HACE1: variants seen among roughly 807,000 people sequenced by gnomAD.
HACE1 encodes E3 ubiquitin-protein ligase HACE1.
In HACE1, 73 loss-of-function variants were observed where a neutral mutation model predicts 118.4. The observed-to-expected ratio is 0.62, with a 90% CI of 0.51 to 0.75. The LOEUF (loss-of-function observed/expected upper bound fraction) is 0.75. HACE1 is among the 30% of genes least tolerant of loss of function. The pLI is 0.00. For synonymous variants in HACE1, 368 were observed against 374.8 expected (o/e 0.98, Z 0.21); for missense variants, 749 against 1,102.2 (o/e 0.68, Z 4.54).
At chr6:104,842,098 A>G (rs769737529) in intron 5 of HACE1, among the ~76,000 whole-genome samples, 54 of 152,216 alleles carry the variant, frequency 3.5e-4, no homozygotes, top group Non-Finnish European at 5.9e-4. Context: ...TGAGGCCAAG[A>G]GTTCAAGACT....
chr6:104,764,878 A>G (rs1187627636), intron 19 of HACE1, among the ~76,000 whole-genome samples: 1 of 152,220 alleles, frequency 6.6e-6, no homozygotes, highest in African/African-American at 2.4e-5. Context: ...ATCACTGAAC[A>G]TAGTTGCAGG....
chr6:104,817,440 T>G (rs957236241), intron 6 of HACE1, among the ~76,000 whole-genome samples: 16 of 152,160 alleles, frequency 1.1e-4, no homozygotes, highest in Admixed American at 6.6e-5. Flanking sequence ...GCTGTCTGAT[T>G]CCCCTTAACC....
intron 19 of HACE1, among the ~76,000 whole-genome samples, chr6:104,763,806 T>C (rs1779666321): frequency 6.6e-6 from 1 of 152,092 alleles, no homozygotes; most frequent in Non-Finnish European, 1.5e-5. Context: ...TCCCAGCACT[T>C]TGGGAGGCCG....
chr6:104,811,400 G>T lies in HACE1; in HGVS notation c.535-7C>A. ...CTAGCAAGCACTGCACTGTCTGAGG[G>T]GGAAAAAATAATTAAAAGTAAAGCC... On this transcript the variant is annotated splice_polypyrimidine_tract_variant and splice_region_variant and intron_variant, in intron 6 of 23. Coordinates refer to ENST00000262903, the MANE Select transcript of HACE1 (RefSeq NM_020771.4). The T allele has an allele frequency of 7.2e-7, 1 of 1,379,566 alleles. No individual in the cohort carries two copies. Among genetic ancestry groups the T allele is most frequent in the Non-Finnish European group, 1.0e-6 (1 of 967,914 alleles). The allele number at this position is 1,379,566 out of a possible 1,614,324, so 85.5% of individuals were successfully genotyped here. A position where few individuals can be genotyped will look rare whatever the true frequency, so the allele number is the denominator to read the frequency against.
intron 11 of HACE1, chr6:104,785,801 T>C (rs1782322809): frequency 6.5e-6 from 1 of 152,810 alleles, no homozygotes; most frequent in African/African-American, 2.4e-5. Flanking sequence ...TGTCAACAAC[T>C]TTCAATTAAA....
intron 6 of HACE1, among the ~76,000 whole-genome samples, chr6:104,814,040 G>C (rs962967618): frequency 1.5e-5 from 2 of 137,162 alleles, no homozygotes; most frequent in Non-Finnish European, 3.1e-5. Context: ...CTACAAAGTA[G>C]AATAAAAAGA....
At chr6:104,794,013 T>C (rs1202980982) in intron 10 of HACE1, among the ~76,000 whole-genome samples, 1 of 152,166 alleles carries the variant, frequency 6.6e-6, no homozygotes, top group African/African-American at 2.4e-5. Flanking sequence ...GTTTCTCCTG[T>C]CCCACCAACC....
chr6:104,775,946 C>T (rs963095720), intron 17 of HACE1, among the ~76,000 whole-genome samples: 6 of 152,108 alleles, frequency 3.9e-5, no homozygotes, highest in African/African-American at 7.2e-5. Context: ...GAAAAACAAG[C>T]GACTGTGCAA....
At chr6:104,797,807 A>G (rs1769838975) in intron 7 of HACE1, among the ~76,000 whole-genome samples, 3 of 152,022 alleles carry the variant, frequency 2.0e-5, no homozygotes, top group Non-Finnish European at 4.4e-5. Context: ...GGTGGCTCAC[A>G]CCTGTAATCC....
intron 7 of HACE1, among the ~76,000 whole-genome samples, chr6:104,802,097 A>T (rs1770432983): frequency 6.6e-6 from 1 of 152,128 alleles, no homozygotes. Context: ...CGTTAGACGA[A>T]GGAAGATCAA....
At chr6:104,779,861 A>C (rs1203239101) in intron 14 of HACE1, among the ~76,000 whole-genome samples, 1 of 152,060 alleles carries the variant, frequency 6.6e-6, no homozygotes, top group Non-Finnish European at 1.5e-5. Flanking sequence ...TAATTATGAT[A>C]ATTATAATAA....
At position 104,771,984 on chromosome 6, in the gene HACE1, A is replaced by G. The variant is rs1780663374; in HGVS notation, c.1955T>C (p.Leu652Ser). Reference protein sequence around the residue: ...RFAGQILGLALNHRQLVNIYF... With the variant: ...RFAGQILGLASNHRQLVNIYF... ...AATATTGACCAGCTGCCTGTGGTTC[A>G]ACGCTAATCCCAAGATCTGCCCAGC... Residue 652 changes from leucine (L) to serine (S), a missense_variant, in exon 18 of 24, where the codon TTG becomes TCG. Coordinates refer to ENST00000262903, the MANE Select transcript of HACE1 (RefSeq NM_020771.4). 1 of 1,609,272 alleles carries G rather than the reference A, an allele frequency of 6.2e-7. No homozygotes were observed. The highest frequency in any genetic ancestry group is 1.3e-5 in the African/African-American group (1 of 74,832).
At chr6:104,772,162 C>G (rs537560923) in intron 17 of HACE1, 88 bp from the exon 18 acceptor site, 4 of 738,600 alleles carry the variant, frequency 5.4e-6, no homozygotes, top group Admixed American at 4.5e-5. Flanking sequence ...AATTCACATA[C>G]AACTTCAGCA....
rs1417130507 is a variant in HACE1 at position 104,785,100 on chromosome 6, C to T, written c.1294G>A (p.Ala432Thr). Residue 432 changes from alanine (A) to threonine (T), a missense_variant, in exon 12 of 24, where the codon GCA becomes ACA. Ala to Thr is a moderately conservative substitution (Grantham distance 58). This residue lies in a region of HACE1 where 267 missense variants were observed against 312.2 expected (regional missense o/e 0.86). Transcript: ENST00000262903. ...TCTGCACTGGCTTCCTGTCTCCCTGCAAGAGCATCTGGTTTAGATTCCCTT... is the reference window on the plus strand; with the variant it reads ...TCTGCACTGGCTTCCTGTCTCCCTGTAAGAGCATCTGGTTTAGATTCCCTT... Reference protein sequence around the residue: ...GTRESKPDALAGRQEASADCQ... With the variant: ...GTRESKPDALTGRQEASADCQ... The T allele has an allele frequency of 6.2e-7, 1 of 1,613,856 alleles. No individual in the cohort carries two copies. The highest frequency in any genetic ancestry group is 1.3e-5 in the African/African-American group (1 of 74,908).
intron 1 of HACE1, among the ~76,000 whole-genome samples, chr6:104,858,101 T>C (rs574381496): frequency 6.6e-6 from 1 of 152,336 alleles, no homozygotes; most frequent in Admixed American, 6.5e-5. Context: ...TTTTTTTCTA[T>C]TTTTCTTTAT....
intron 19 of HACE1, among the ~76,000 whole-genome samples, chr6:104,762,638 T>C (rs898572952): frequency 6.6e-6 from 1 of 152,082 alleles, no homozygotes; most frequent in Non-Finnish European, 1.5e-5. Flanking sequence ...CCATGGCACG[T>C]GTATACCTAT....
intron 19 of HACE1, among the ~76,000 whole-genome samples, chr6:104,762,377 T>C (rs921730495): frequency 6.6e-6 from 1 of 152,108 alleles, no homozygotes; most frequent in Admixed American, 6.6e-5. Flanking sequence ...CCATAAAAAA[T>C]GGTGAGTTCA....
chr6:104,742,278 A>G (rs1776829233), intron 22 of HACE1, among the ~76,000 whole-genome samples: 1 of 138,592 alleles, frequency 7.2e-6, no homozygotes, highest in African/African-American at 3.0e-5. Flanking sequence ...AAAACACCAA[A>G]AGCAATGGCA....
intron 6 of HACE1, among the ~76,000 whole-genome samples, chr6:104,817,508 C>A (rs1302634695): frequency 3.9e-5 from 6 of 152,142 alleles, no homozygotes; most frequent in East Asian, 3.9e-4. Flanking sequence ...GTTAAGCCTG[C>A]AGAACTGTGA....
Sources: gnomAD v4.1 joint callset for allele counts (sites outside exome capture counted in the v4.1 genomes callset) on GRCh38, gnomAD v4.1.1 for gene constraint, gnomAD v4.1.1 regional missense constraint, MANE v1.5 for transcripts, NCBI Gene and HGNC (gene_info 2026-07-23, HGNC 2026-07-21) for gene names.